Variants in CDH13 observed in about 807,000 individuals in gnomAD.
CDH13 encodes cadherin-13.
In CDH13, 24 loss-of-function variants were observed where a neutral mutation model predicts 63.8. The observed-to-expected ratio is 0.38, with a 90% CI of 0.27 to 0.53. The LOEUF is 0.53. Ranked by LOEUF, CDH13 falls within the 20% of genes least tolerant of loss-of-function variation. The probability of loss-of-function intolerance (pLI) is 0.85; values close to 1 mark genes in which losing one functional copy is unlikely to be tolerated. For missense variants in CDH13, 1,049 were observed against 903.1 expected, an observed-to-expected ratio of 1.16 and a Z score of -2.07; for synonymous variants, 503 against 355.3, an observed-to-expected ratio of 1.42 and a Z score of -4.67.
intron 5 of CDH13, among the ~76,000 whole-genome samples, chr16:83,334,361 T>TCTCTCACACACACACACA (rs1272779883): frequency 3.5e-5 from 3 of 85,622 alleles, no homozygotes; most frequent in African/African-American, 1.5e-4. Context: ...TCTCTCTCTC[T>TCTCTCACACACACACACA]CACACACACA....
intron 12 of CDH13, among the ~76,000 whole-genome samples, chr16:83,781,057 A>C (rs1032561042): frequency 1.7e-4 from 26 of 152,142 alleles, no homozygotes; most frequent in African/African-American, 5.5e-4. Flanking sequence ...TTTTTTTTCA[A>C]ATCCTTGGCC....
intron 2 of CDH13, among the ~76,000 whole-genome samples, chr16:82,900,431 G>GGAT (rs56332639): frequency 0.91 from 139,011 of 152,070 alleles, 63,588 homozygotes; most frequent in Admixed American, 0.93. Context: ...AGAAGTACAG[G>GGAT]GATGATACAG....
At chr16:82,698,631 G>C (rs1049248925) in intron 1 of CDH13, among the ~76,000 whole-genome samples, 1 of 152,190 alleles carries the variant, frequency 6.6e-6, no homozygotes, top group Non-Finnish European at 1.5e-5. Flanking sequence ...TTCTACAGGT[G>C]ATTTTCAAGC....
Position 83,104,422 on chromosome 16 carries a change from G to T in CDH13, c.367-20963G>T, listed in dbSNP as rs529215820. ...GTAATGCGACAAAAAACACAGAGCA[G>T]AGAGAAGAGAGAGGCCAATGAAAGA... On this transcript the variant is annotated intron_variant, in intron 3 of 13. Coordinates refer to ENST00000567109, the MANE Select transcript of CDH13 (RefSeq NM_001257.5). Among the ~76,000 whole-genome samples, 148 of 152,334 alleles carry T rather than the reference G, an allele frequency of 9.7e-4. 1 individual carries two copies. In the South Asian group the frequency reaches 0.023, roughly 24 times the overall value.
rs11445521 is a variant in CDH13 at position 83,142,160 on chromosome 16, G to GTTTT, written c.483+16675_483+16678dup. 2.3e-3 allele frequency among the ~76,000 whole-genome samples: 277 copies of GTTTT among 120,350 alleles called. 2 individuals are homozygous for GTTTT. Among genetic ancestry groups the GTTTT allele is most frequent in the African/African-American group, 7.8e-3 (246 of 31,406 alleles). The allele number at this position is 120,350 out of a possible 152,430, so 79.0% of individuals were successfully genotyped here. Reference sequence around the variant, plus strand: ...GAACCATTTTTGTTTGTTTGTTTTTGTTTTTTTTTTTTTTTTTTTGAAATG... The same window carrying GTTTT: ...GAACCATTTTTGTTTGTTTGTTTTTGTTTTTTTTTTTTTTTTTTTTTTTGAAATG... On this transcript the variant is annotated intron_variant, in intron 4 of 13. Coordinates refer to ENST00000567109, the MANE Select transcript of CDH13 (RefSeq NM_001257.5).
At position 82,680,659 on chromosome 16, in the gene CDH13, C is replaced by T. The variant is rs58217216; in HGVS notation, c.45+53522C>T. Among the ~76,000 whole-genome samples the T allele has an allele frequency of 4.3e-3, 661 of 152,208 alleles. 7 individuals are homozygous for T. The highest frequency in any genetic ancestry group is 0.015 in the African/African-American group (613 of 41,522). ...TGCATGTTAGAAAGGCACACACAAG[C>T]TGGAATAATATGAATGACATTTAAT... On this transcript the variant is annotated intron_variant, in intron 1 of 13. Coordinates refer to ENST00000567109, the MANE Select transcript of CDH13 (RefSeq NM_001257.5).
intron 7 of CDH13, among the ~76,000 whole-genome samples, chr16:83,536,720 C>T (rs1031201717): frequency 1.3e-5 from 2 of 152,128 alleles, no homozygotes; most frequent in African/African-American, 4.8e-5. Flanking sequence ...AGAGAAATGT[C>T]CACTAGGGGA....
In CDH13 at chr16:82,638,823, T is replaced by TGTGTGTGTGTGCGC. The variant is rs139451683; in HGVS notation, c.45+11687_45+11688insTGTGTGTGTGCGCG. Among the ~76,000 whole-genome samples, 7 of 150,904 alleles carry TGTGTGTGTGTGCGC rather than the reference T, an allele frequency of 4.6e-5. No individual in the cohort carries two copies. In the South Asian group the frequency reaches 6.3e-4, roughly 14 times the overall value. ...TGGGAGGCTTTATTAGGGCAGTGTG[T>TGTGTGTGTGTGCGC]GCGTGTGTGCGTTTGTGTGCATGCA... On this transcript the variant is annotated intron_variant, in intron 1 of 13. Transcript: ENST00000567109.
At chr16:83,518,368 A>G (rs1413197162) in intron 7 of CDH13, among the ~76,000 whole-genome samples, 1 of 151,154 alleles carries the variant, frequency 6.6e-6, no homozygotes, top group African/African-American at 2.4e-5. Flanking sequence ...GATGGTCTCG[A>G]TCTCCTGACC....
At chr16:82,731,460 A>C (rs2033398586) in intron 1 of CDH13, among the ~76,000 whole-genome samples, 2 of 152,352 alleles carry the variant, frequency 1.3e-5, no homozygotes, top group African/African-American at 4.8e-5. Flanking sequence ...TAGCTGTTAC[A>C]TTGTATATTG....
chr16:83,758,662 C>G (rs1256469631), intron 11 of CDH13, among the ~76,000 whole-genome samples: 2 of 152,108 alleles, frequency 1.3e-5, no homozygotes, highest in East Asian at 3.8e-4. Flanking sequence ...TTCAGAGAAT[C>G]TATTACTGAT....
In CDH13 at chr16:83,611,256, G is replaced by A. The variant is rs531770778; in HGVS notation, c.1101+8662G>A. ...TGGCTTTCCTCTTCTCTCTCTGAAT[G>A]AAGGTAGAGTCCCAATTTTAATGAA... On this transcript the variant is annotated intron_variant, in intron 8 of 13. Transcript: ENST00000567109. Among the ~76,000 whole-genome samples, 3 of 152,098 alleles carry A rather than the reference G, an allele frequency of 2.0e-5. No individual in the cohort carries two copies. The East Asian group carries it at 5.8e-4, about 29-fold the overall frequency.
At chr16:82,992,456 G>A (rs892945989) in intron 2 of CDH13, among the ~76,000 whole-genome samples, 8 of 152,102 alleles carry the variant, frequency 5.3e-5, no homozygotes, top group African/African-American at 1.2e-4. Context: ...TGGGCTCTAC[G>A]TGCAGAGAGA....
chr16:82,737,769 C>T (rs1460369487), intron 1 of CDH13, among the ~76,000 whole-genome samples: 1 of 152,184 alleles, frequency 6.6e-6, no homozygotes, highest in African/African-American at 2.4e-5. Context: ...TAGGTTCTTT[C>T]ACTGCATTTC....
chr16:82,849,286 G>A (rs377691796), intron 1 of CDH13, among the ~76,000 whole-genome samples: 1 of 152,084 alleles, frequency 6.6e-6, no homozygotes, highest in Admixed American at 6.5e-5. Flanking sequence ...GGTGGATCAC[G>A]AGGTCAGGAG....
intron 2 of CDH13, among the ~76,000 whole-genome samples, chr16:82,922,141 G>T (rs1431417752): frequency 6.6e-6 from 1 of 152,056 alleles, no homozygotes; most frequent in Non-Finnish European, 1.5e-5. Flanking sequence ...TTGGTGATCT[G>T]TGTCTTCTCT....
rs191215147 is a variant in CDH13 at position 83,157,827 on chromosome 16, A to G, written c.483+32326A>G. 2.3e-3 allele frequency among the ~76,000 whole-genome samples: 343 copies of G among 151,268 alleles called. 2 individuals are homozygous for G. The highest frequency in any genetic ancestry group is 7.8e-3 in the African/African-American group (323 of 41,270). On this transcript the variant is annotated intron_variant, in intron 4 of 13. Transcript: ENST00000567109. Reference sequence around the variant, plus strand: ...ACTCGGGAGGCAGAGGCAGGAGAGTAGCTTGAACCTGGGAGGCAGAGGTTG... The same window carrying G: ...ACTCGGGAGGCAGAGGCAGGAGAGTGGCTTGAACCTGGGAGGCAGAGGTTG...
At chr16:83,300,578 C>A (rs776976761) in intron 5 of CDH13, among the ~76,000 whole-genome samples, 1 of 152,210 alleles carries the variant, frequency 6.6e-6, no homozygotes, top group African/African-American at 2.4e-5. Context: ...ATGTGCTTGG[C>A]ACCATGCCAG....
chr16:83,627,392 G>C (rs1246874301), intron 8 of CDH13, among the ~76,000 whole-genome samples: 1 of 152,186 alleles, frequency 6.6e-6, no homozygotes, highest in Non-Finnish European at 1.5e-5. Context: ...CAGCGAAGCA[G>C]AATTCCTGAG....
Sources: gnomAD v4.1 joint callset for allele counts (sites outside exome capture counted in the v4.1 genomes callset) on GRCh38, gnomAD v4.1.1 for gene constraint, MANE v1.5 for transcripts, NCBI Gene and HGNC (gene_info 2026-07-23, HGNC 2026-07-21) for gene names.